Variants in PPP2R3A observed in about 807,000 individuals in gnomAD.
PPP2R3A encodes serine/threonine-protein phosphatase 2A regulatory subunit B'' subunit alpha.
Under a neutral mutation model 106.9 loss-of-function variants are expected in PPP2R3A, and 80 were observed. The observed-to-expected ratio is 0.75, with a 90% CI of 0.62 to 0.90. The LOEUF (loss-of-function observed/expected upper bound fraction) is 0.90, where lower values mean the gene tolerates loss of function less well. Ranked by LOEUF, PPP2R3A falls within the 40% of genes least tolerant of loss-of-function variation. PPP2R3A has a pLI of 0.00. For synonymous variants in PPP2R3A, 483 were observed against 468.3 expected (o/e 1.03, Z -0.41); for missense variants, 1,386 against 1,350.4 (o/e 1.03, Z -0.41).
At chr3:136,102,666 C>T (rs1443916244) in intron 11 of PPP2R3A, among the ~76,000 whole-genome samples, 2 of 151,992 alleles carry the variant, frequency 1.3e-5, no homozygotes, top group Admixed American at 1.3e-4. Context: ...CAATTGATGG[C>T]AAGTCTGCTA....
At chr3:136,071,329 G>A (rs1051718411) in intron 6 of PPP2R3A, among the ~76,000 whole-genome samples, 6 of 152,200 alleles carry the variant, frequency 3.9e-5, no homozygotes, top group Non-Finnish European at 7.3e-5. Flanking sequence ...AGGTCCTGCC[G>A]AGTTACAAAA....
chr3:136,081,819 C>A (rs1039503365), intron 7 of PPP2R3A, among the ~76,000 whole-genome samples: 11 of 152,250 alleles, frequency 7.2e-5, no homozygotes, highest in Admixed American at 6.5e-4. Flanking sequence ...ATATGAGTAA[C>A]CTTTGTGATA....
At chr3:136,097,082 T>G (rs1937233373) in intron 10 of PPP2R3A, among the ~76,000 whole-genome samples, 1 of 152,220 alleles carries the variant, frequency 6.6e-6, no homozygotes, top group South Asian at 2.1e-4. Context: ...ATAGCAGAAA[T>G]CTAACACTAG....
At chr3:136,013,752 A>G (rs1024641868) in intron 2 of PPP2R3A, among the ~76,000 whole-genome samples, 2 of 150,836 alleles carry the variant, frequency 1.3e-5, no homozygotes, top group Admixed American at 6.6e-5. Context: ...GATTCTGGAT[A>G]TTAGTCCTTT....
chr3:135,967,457 G>A (rs1397309819), intron 1 of PPP2R3A, among the ~76,000 whole-genome samples: 2 of 152,178 alleles, frequency 1.3e-5, no homozygotes, highest in African/African-American at 4.8e-5. Flanking sequence ...ATCTTGGGCT[G>A]AATTAATTTG....
At position 136,146,215 on chromosome 3, in the gene PPP2R3A, T is replaced by C. The variant is rs989121666; in HGVS notation, c.*1049T>C. ...AGAAAGCTGTTATTTACTGTAGTTGTAGATGTATTCACTACAGAATCCTAC... is the reference window on the plus strand; with the variant it reads ...AGAAAGCTGTTATTTACTGTAGTTGCAGATGTATTCACTACAGAATCCTAC... On this transcript the variant is annotated 3_prime_UTR_variant, in exon 14 of 14. Transcript: ENST00000264977. The C allele has an allele frequency of 2.0e-5, 3 of 152,234 alleles. No homozygotes were observed. The highest frequency in any genetic ancestry group is 4.8e-5 in the African/African-American group (2 of 41,464). 9.4% of individuals were successfully genotyped at this position (152,234 alleles called of 1,614,324 possible).
chr3:136,077,885 C>T (rs1936647872), intron 6 of PPP2R3A, among the ~76,000 whole-genome samples: 1 of 152,128 alleles, frequency 6.6e-6, no homozygotes. Context: ...TCCATAGAGT[C>T]TAGAAGACCG....
At chr3:136,068,633 A>T (rs942500706) in intron 5 of PPP2R3A, among the ~76,000 whole-genome samples, 4 of 152,260 alleles carry the variant, frequency 2.6e-5, no homozygotes, top group Non-Finnish European at 5.9e-5. Flanking sequence ...TAAACACTAC[A>T]GTGTAAATGT....
intron 13 of PPP2R3A, among the ~76,000 whole-genome samples, chr3:136,126,601 T>G (rs949568087): frequency 6.6e-6 from 1 of 152,184 alleles, no homozygotes; most frequent in Non-Finnish European, 1.5e-5. Context: ...TCTGCAGACT[T>G]AAACGTCCCT....
At chr3:136,089,330 G>A (rs940263671) in intron 9 of PPP2R3A, among the ~76,000 whole-genome samples, 5 of 152,074 alleles carry the variant, frequency 3.3e-5, no homozygotes, top group African/African-American at 1.2e-4. Context: ...ACTGTTTATT[G>A]AATAGGGAGT....
chr3:136,113,365 A>G (rs747459930), intron 13 of PPP2R3A, among the ~76,000 whole-genome samples: 20 of 152,178 alleles, frequency 1.3e-4, no homozygotes, highest in Non-Finnish European at 2.4e-4. Flanking sequence ...GTTTTTTGAC[A>G]AAGTTGATAG....
intron 13 of PPP2R3A, among the ~76,000 whole-genome samples, chr3:136,135,137 C>T (rs1938560449): frequency 6.6e-6 from 1 of 151,996 alleles, no homozygotes; most frequent in African/African-American, 2.4e-5. Flanking sequence ...GACAGAAGCA[C>T]AGGTGAGGAG....
At chr3:135,989,964 A>G (rs1001102517) in intron 1 of PPP2R3A, among the ~76,000 whole-genome samples, 2 of 152,214 alleles carry the variant, frequency 1.3e-5, no homozygotes, top group Non-Finnish European at 2.9e-5. Flanking sequence ...GTTCACATTG[A>G]TACTACCTCT....
intron 13 of PPP2R3A, among the ~76,000 whole-genome samples, chr3:136,141,071 A>G (rs1938853575): frequency 6.6e-6 from 1 of 152,234 alleles, no homozygotes; most frequent in South Asian, 2.1e-4. Flanking sequence ...TCACTGTACT[A>G]TAGCCCAAGG....
At chr3:136,018,312 T>C (rs1402080876) in intron 2 of PPP2R3A, among the ~76,000 whole-genome samples, 3 of 152,214 alleles carry the variant, frequency 2.0e-5, no homozygotes, top group Non-Finnish European at 4.4e-5. Flanking sequence ...ACATTGCATA[T>C]ATAATACTGT....
chr3:136,010,864 A>G (rs1330584368), intron 2 of PPP2R3A, among the ~76,000 whole-genome samples: 1 of 151,752 alleles, frequency 6.6e-6, no homozygotes, highest in Non-Finnish European at 1.5e-5. Context: ...CTGCTCAATC[A>G]CTCCTTCAGC....
intron 7 of PPP2R3A, chr3:136,079,339 T>C (rs1238069429): frequency 4.2e-6 from 1 of 239,486 alleles, no homozygotes; most frequent in Non-Finnish European, 8.8e-6. Context: ...AGAGTAATGA[T>C]GATAATCCCC....
chr3:136,035,922 C>CT (rs549113511), intron 3 of PPP2R3A, among the ~76,000 whole-genome samples: 29 of 149,152 alleles, frequency 1.9e-4, no homozygotes, highest in East Asian at 3.9e-4. Flanking sequence ...TTCATATTTT[C>CT]TTTTTTTTTT....
At chr3:135,982,248 T>A (rs1241595554) in intron 1 of PPP2R3A, among the ~76,000 whole-genome samples, 1 of 149,070 alleles carries the variant, frequency 6.7e-6, no homozygotes, top group Non-Finnish European at 1.5e-5. Context: ...TGTAAAAAGT[T>A]CTGTTTCACA....
Sources: gnomAD v4.1 joint callset for allele counts (sites outside exome capture counted in the v4.1 genomes callset) on GRCh38, gnomAD v4.1.1 for gene constraint, MANE v1.5 for transcripts, NCBI Gene and HGNC (gene_info 2026-07-23, HGNC 2026-07-21) for gene names.